Variants in BMPR1B observed in about 807,000 individuals in gnomAD.
BMPR1B encodes the protein bone morphogenetic protein receptor type 1B, also known as bone morphogenetic protein receptor type-1B.
Under a neutral mutation model 59.1 loss-of-function variants are expected in BMPR1B, and 12 were observed. The observed-to-expected ratio is 0.20, with a 90% confidence interval of 0.13 to 0.33. The LOEUF (loss-of-function observed/expected upper bound fraction) is 0.33. Among genes scored for constraint, BMPR1B ranks in the 10% least tolerant of loss-of-function variants. The pLI is 1.00. For missense variants in BMPR1B, 550 were observed against 610.9 expected (o/e 0.90, Z 1.05); for synonymous variants, 237 against 207.3 (o/e 1.14, Z -1.23).
At chr4:94,903,133 A>G (rs753818838) in intron 2 of BMPR1B, among the ~76,000 whole-genome samples, 2 of 152,098 alleles carry the variant, frequency 1.3e-5, no homozygotes, top group Non-Finnish European at 2.9e-5. Context: ...GTTATGGCAT[A>G]GAAATTAATT....
At chr4:94,759,969 A>G (rs1721696489) in intron 1 of BMPR1B, among the ~76,000 whole-genome samples, 1 of 152,216 alleles carries the variant, frequency 6.6e-6, no homozygotes. Context: ...GCCTAGAGCT[A>G]CAAAACTTGA....
intron 3 of BMPR1B, among the ~76,000 whole-genome samples, chr4:95,022,078 A>G (rs534291655): frequency 3.2e-4 from 48 of 152,350 alleles, no homozygotes; most frequent in Non-Finnish European, 5.4e-4. Flanking sequence ...GAGCTGCAGA[A>G]GACTCGTTAG....
intron 1 of BMPR1B, among the ~76,000 whole-genome samples, chr4:94,861,004 C>A (rs957267800): frequency 1.4e-5 from 2 of 147,194 alleles, no homozygotes; most frequent in Non-Finnish European, 3.0e-5. Context: ...ATATGTCTTT[C>A]TCTTTCACGA....
chr4:94,825,904 TTC>T (rs1479381128), intron 1 of BMPR1B, among the ~76,000 whole-genome samples: 1 of 152,210 alleles, frequency 6.6e-6, no homozygotes, highest in Non-Finnish European at 1.5e-5. Flanking sequence ...AGGATATTTT[TTC>T]TGTTTTTCTA....
At chr4:95,058,500 A>T (rs1727098150) in intron 3 of BMPR1B, among the ~76,000 whole-genome samples, 1 of 152,172 alleles carries the variant, frequency 6.6e-6, no homozygotes. Context: ...TGTCACTTCC[A>T]TGATGTAGAA....
At chr4:94,955,416 CAT>C (rs1560566049) in intron 2 of BMPR1B, among the ~76,000 whole-genome samples, 1 of 152,104 alleles carries the variant, frequency 6.6e-6, no homozygotes, top group Non-Finnish European at 1.5e-5. Context: ...AGAAGAGAGT[CAT>C]GTGTGTAAGA....
At chr4:94,833,234 C>T (rs1724673304) in intron 1 of BMPR1B, among the ~76,000 whole-genome samples, 1 of 150,704 alleles carries the variant, frequency 6.6e-6, no homozygotes, top group African/African-American at 2.4e-5. Context: ...TAAGTACCTA[C>T]CTCATAGGGT....
chr4:95,122,795 A>AATAT (rs1732622407), intron 6 of BMPR1B, among the ~76,000 whole-genome samples: 1 of 152,192 alleles, frequency 6.6e-6, no homozygotes, highest in South Asian at 2.1e-4. Flanking sequence ...GTGGCCATAT[A>AATAT]GTTAAAGGTA....
chr4:95,027,623 T>C (rs1041101937), intron 3 of BMPR1B, among the ~76,000 whole-genome samples: 5 of 152,186 alleles, frequency 3.3e-5, no homozygotes, highest in Admixed American at 6.6e-5. Context: ...CAAGGTACTT[T>C]CCACATAGGC....
chr4:94,890,279 G>T (rs1413061643), intron 2 of BMPR1B, among the ~76,000 whole-genome samples: 1 of 152,008 alleles, frequency 6.6e-6, no homozygotes. Flanking sequence ...GGGAATGTCT[G>T]CATGTCTGCA....
intron 3 of BMPR1B, among the ~76,000 whole-genome samples, chr4:95,087,627 G>A (rs989628214): frequency 6.6e-6 from 1 of 152,142 alleles, no homozygotes; most frequent in Non-Finnish European, 1.5e-5. Context: ...GCTGCTAAGG[G>A]AAGCTGAGGT....
chr4:95,106,843 T>A (rs1359239211), intron 4 of BMPR1B, among the ~76,000 whole-genome samples: 2 of 151,924 alleles, frequency 1.3e-5, no homozygotes, highest in Non-Finnish European at 2.9e-5. Flanking sequence ...GTAAGGAGGC[T>A]GTATCCGTGC....
At chr4:95,001,965 T>C (rs1722482321) in intron 3 of BMPR1B, among the ~76,000 whole-genome samples, 1 of 152,176 alleles carries the variant, frequency 6.6e-6, no homozygotes, top group African/African-American at 2.4e-5. Context: ...AGGTTTTTAT[T>C]GTTGTTGTTG....
intron 2 of BMPR1B, among the ~76,000 whole-genome samples, chr4:94,939,813 T>G (rs898318666): frequency 1.3e-5 from 2 of 152,228 alleles, no homozygotes; most frequent in African/African-American, 4.8e-5. Context: ...TGTCCTGTTT[T>G]TTATTTGACA....
At chr4:95,067,569 G>T (rs1423160990) in intron 3 of BMPR1B, among the ~76,000 whole-genome samples, 2 of 152,150 alleles carry the variant, frequency 1.3e-5, no homozygotes, top group African/African-American at 4.8e-5. Flanking sequence ...GTTGGTCTCT[G>T]CCCTGCATGA....
In BMPR1B at chr4:95,054,935, G is replaced by T. The variant is rs370062270; in HGVS notation, c.-17-49473G>T. On this transcript the variant is annotated intron_variant, in intron 3 of 12. Transcript: ENST00000515059. ...CCCTGTTAAATGTACATGTGAAAATGTCTATAATTTTTCCCCTATAAAATA... is the reference window on the plus strand; with the variant it reads ...CCCTGTTAAATGTACATGTGAAAATTTCTATAATTTTTCCCCTATAAAATA... 6.6e-5 allele frequency among the ~76,000 whole-genome samples: 10 copies of T among 152,228 alleles called. No homozygotes were observed. The South Asian group carries it at 2.1e-3, about 32-fold the overall frequency.
intron 2 of BMPR1B, among the ~76,000 whole-genome samples, chr4:94,961,606 GC>G (rs1730356278): frequency 1.3e-5 from 2 of 152,028 alleles, no homozygotes; most frequent in East Asian, 3.9e-4. Flanking sequence ...CTATAACATG[GC>G]AAGCTTTCCT....
chr4:94,762,310 A>G (rs1405364130), intron 1 of BMPR1B, among the ~76,000 whole-genome samples: 1 of 152,224 alleles, frequency 6.6e-6, no homozygotes, highest in Non-Finnish European at 1.5e-5. Context: ...AAACACATGA[A>G]TAAGATTATT....
intron 8 of BMPR1B, 75 bp from the exon 9 acceptor site, chr4:95,129,787 T>C (rs1167616409): frequency 6.8e-7 from 1 of 1,476,342 alleles, no homozygotes; most frequent in African/African-American, 1.4e-5. Context: ...TAATCGTTTC[T>C]TCTCTGGAGA....
Sources: gnomAD v4.1 joint callset for allele counts (sites outside exome capture counted in the v4.1 genomes callset) on GRCh38, gnomAD v4.1.1 for gene constraint, MANE v1.5 for transcripts, NCBI Gene and HGNC (gene_info 2026-07-23, HGNC 2026-07-21) for gene names.